The following FAT4 variants were observed in gnomAD, a reference collection of about 807,000 sequenced individuals.
The protein encoded by FAT4 is protocadherin Fat 4.
In FAT4, 84 loss-of-function variants were observed where a neutral mutation model predicts 303.9. That is an observed-to-expected ratio of 0.28 (90% confidence interval 0.23 to 0.33). The LOEUF is 0.33. FAT4 is among the 10% of genes least tolerant of loss of function. The pLI, the probability that FAT4 is intolerant of heterozygous loss-of-function variation, is 1.00. For synonymous variants in FAT4, 2,307 were observed against 2,298.8 expected, an observed-to-expected ratio of 1.00 and a Z score of -0.10; for missense variants, 6,005 against 6,146.8, an observed-to-expected ratio of 0.98 and a Z score of 0.77.
chr4:125,374,167 C>T (rs1348551812), intron 2 of FAT4, among the ~76,000 whole-genome samples: 1 of 152,142 alleles, frequency 6.6e-6, no homozygotes, highest in Non-Finnish European at 1.5e-5. Flanking sequence ...TGTGTTATCA[C>T]GTGGTGGTCT....
intron 14 of FAT4, 68 bp from the exon 15 acceptor site, chr4:125,479,673 T>C: frequency 7.2e-7 from 1 of 1,391,916 alleles, no homozygotes; most frequent in Non-Finnish European, 9.6e-7. Context: ...TAAAAGTGTA[T>C]ATTGAGTTTT....
In FAT4 at chr4:125,318,682, A is replaced by G; in HGVS notation, c.2271A>G (p.Thr757=). The change falls in exon 2 of 18, where the codon ACA becomes ACG. Residue 757 remains threonine (T), a synonymous_variant. Coordinates refer to ENST00000394329, the MANE Select transcript of FAT4 (RefSeq NM_001291303.3). ...TGGCCCTAGACAGAGAAGAAAAAAC[A>G]GCTTATCAGTTGCAAATAGTAGCTA... is the stretch of plus-strand genomic sequence containing the variant. ...TRMALDREEK[T]AYQLQIVATD... The G allele has an allele frequency of 1.4e-5, 22 of 1,614,182 alleles. No individual in the cohort carries two copies. The highest frequency in any genetic ancestry group is 1.9e-5 in the Non-Finnish European group (22 of 1,180,006).
At chr4:125,382,341 G>A (rs1733573585) in intron 2 of FAT4, among the ~76,000 whole-genome samples, 1 of 152,138 alleles carries the variant, frequency 6.6e-6, no homozygotes, top group Non-Finnish European at 1.5e-5. Flanking sequence ...TGATCCATTG[G>A]CTGCAGAATG....
chr4:125,475,314 C>T lies in FAT4; in HGVS notation c.12214-857C>T, dbSNP rs149530392. 3.3e-3 allele frequency among the ~76,000 whole-genome samples: 503 copies of T among 152,128 alleles called. 3 individuals carry two copies. The highest frequency in any genetic ancestry group is 0.012 in the African/African-American group (479 of 41,532). On this transcript the variant is annotated intron_variant, in intron 12 of 17. Coordinates refer to ENST00000394329, the MANE Select transcript of FAT4 (RefSeq NM_001291303.3). ...ACTTTGGTCTTAGACTGCACTGCAG[C>T]CATCCTCACTTGCTGGTACTCATTA...
At chr4:125,424,274 G>A (rs147115656) in intron 7 of FAT4, among the ~76,000 whole-genome samples, 1 of 152,082 alleles carries the variant, frequency 6.6e-6, no homozygotes, top group Non-Finnish European at 1.5e-5. Context: ...TTAAATCATG[G>A]GGGCAGTTAC....
At chr4:125,386,186 C>T (rs13146586) in intron 2 of FAT4, among the ~76,000 whole-genome samples, 48,250 of 152,006 alleles carry the variant, frequency 0.32, 9,293 homozygotes, top group Non-Finnish European at 0.43. Flanking sequence ...ACATTAAATG[C>T]CTTCTGTACC....
At chr4:125,420,962 AC>A (rs1327104821) in intron 7 of FAT4, among the ~76,000 whole-genome samples, 1 of 152,108 alleles carries the variant, frequency 6.6e-6, no homozygotes, top group Non-Finnish European at 1.5e-5. Flanking sequence ...AGGGAGTCTC[AC>A]TCTGTTGTGC....
chr4:125,467,731 T>C (rs1726714695), intron 11 of FAT4, among the ~76,000 whole-genome samples: 1 of 152,176 alleles, frequency 6.6e-6, no homozygotes, highest in South Asian at 2.1e-4. Context: ...GAAAATAACA[T>C]GAATATAGGT....
At chr4:125,463,144 TAA>T (rs1383026898) in intron 10 of FAT4, among the ~76,000 whole-genome samples, 3 of 151,956 alleles carry the variant, frequency 2.0e-5, no homozygotes, top group Non-Finnish European at 1.5e-5. Flanking sequence ...ATAAATAAGA[TAA>T]GTTATTATCT....
intron 3 of FAT4, among the ~76,000 whole-genome samples, chr4:125,399,327 A>G (rs1734297023): frequency 6.6e-6 from 1 of 152,044 alleles, no homozygotes; most frequent in South Asian, 2.1e-4. Flanking sequence ...GGTTTAGATT[A>G]CTATTTTCTA....
chr4:125,440,610 T>TGTGTGTGTGAGAGAGAGAGAGA (rs372756130), intron 8 of FAT4, among the ~76,000 whole-genome samples: 26 of 75,750 alleles, frequency 3.4e-4, no homozygotes, highest in South Asian at 7.0e-4. Context: ...TGTGTGTGTG[T>TGTGTGTGTGAGAGAGAGAGAGA]GAGAGAGAGA....
intron 10 of FAT4, among the ~76,000 whole-genome samples, chr4:125,454,986 T>C (rs901448068): frequency 6.6e-6 from 1 of 152,108 alleles, no homozygotes; most frequent in Non-Finnish European, 1.5e-5. Context: ...TAGCGGAAGT[T>C]AACTGTGAGT....
At chr4:125,387,914 A>G (rs1489872080) in intron 2 of FAT4, among the ~76,000 whole-genome samples, 2 of 152,208 alleles carry the variant, frequency 1.3e-5, no homozygotes, top group Non-Finnish European at 2.9e-5. Flanking sequence ...ATAAAGAGCC[A>G]CAAAAATCTC....
intron 7 of FAT4, among the ~76,000 whole-genome samples, chr4:125,430,926 T>C (rs1725262123): frequency 6.6e-6 from 1 of 152,184 alleles, no homozygotes; most frequent in Admixed American, 6.5e-5. Flanking sequence ...GAAAAATAAG[T>C]TGATATTCTT....
chr4:125,470,863 A>G (rs1212593792), intron 12 of FAT4, among the ~76,000 whole-genome samples: 1 of 152,200 alleles, frequency 6.6e-6, no homozygotes, highest in African/African-American at 2.4e-5. Flanking sequence ...CTTTGCATTT[A>G]CAGCTCGGCT....
At chr4:125,399,019 G>A (rs977894699) in intron 3 of FAT4, 104 bp downstream of exon 3, 39 of 1,013,782 alleles carry the variant, frequency 3.8e-5, no homozygotes, top group Non-Finnish European at 5.8e-5. Flanking sequence ...TTAAGGTTAA[G>A]CATGTGTGCT....
intron 2 of FAT4, among the ~76,000 whole-genome samples, chr4:125,356,880 G>A (rs781275774): frequency 1.3e-5 from 2 of 151,300 alleles, no homozygotes; most frequent in Admixed American, 6.6e-5. Flanking sequence ...AGTCAATGGC[G>A]GGATACTGCA....
chr4:125,443,518 GT>G (rs1725730971), intron 8 of FAT4, among the ~76,000 whole-genome samples: 1 of 152,078 alleles, frequency 6.6e-6, no homozygotes, highest in Admixed American at 6.6e-5. Flanking sequence ...TAGATTGTAT[GT>G]TTCTTTGTGC....
At chr4:125,364,428 T>C (rs1382771952) in intron 2 of FAT4, among the ~76,000 whole-genome samples, 2 of 152,124 alleles carry the variant, frequency 1.3e-5, no homozygotes, top group African/African-American at 4.8e-5. Flanking sequence ...AAGCCAGTTA[T>C]TAATAACGTA....
Sources: allele counts gnomAD v4.1 joint callset (sites outside exome capture counted in the v4.1 genomes callset), GRCh38; gene constraint gnomAD v4.1.1; transcripts MANE v1.5; gene names NCBI Gene and HGNC (gene_info 2026-07-23, HGNC 2026-07-21).